Variants in PRKN observed in about 807,000 individuals in gnomAD.
PRKN encodes the protein E3 ubiquitin-protein ligase parkin.
PRKN carries 56 observed loss-of-function variants against 59.5 expected under a neutral mutation model. The ratio of observed to expected loss-of-function variants is 0.94; its 90% CI spans 0.76 to 1.18. The LOEUF (loss-of-function observed/expected upper bound fraction) is 1.18. Among genes scored for constraint, PRKN ranks in the 50% most tolerant of loss-of-function variants. The pLI, the probability that PRKN is intolerant of heterozygous loss-of-function variation, is 0.00. For missense variants in PRKN, 657 were observed against 596.4 expected, an observed-to-expected ratio of 1.10 and a Z score of -1.06; for synonymous variants, 250 against 222.1, an observed-to-expected ratio of 1.13 and a Z score of -1.12.
chr6:161,641,314 G>A (rs1361007467), intron 7 of PRKN, among the ~76,000 whole-genome samples: 1 of 152,172 alleles, frequency 6.6e-6, no homozygotes, highest in East Asian at 1.9e-4. Context: ...CATCATTATT[G>A]TAAAACCTAA....
chr6:162,133,057 G>C (rs1160026275), intron 4 of PRKN, among the ~76,000 whole-genome samples: 2 of 152,138 alleles, frequency 1.3e-5, no homozygotes, highest in African/African-American at 4.8e-5. Context: ...CATGGGCACA[G>C]TGGACTTAGG....
intron 9 of PRKN, among the ~76,000 whole-genome samples, chr6:161,521,046 G>A: frequency 6.6e-6 from 1 of 152,170 alleles, no homozygotes; most frequent in East Asian, 1.9e-4. Flanking sequence ...TGTGAAGAGG[G>A]ATTTCTTATT....
intron 1 of PRKN, among the ~76,000 whole-genome samples, chr6:162,533,033 A>G (rs1307877660): frequency 1.3e-5 from 2 of 152,186 alleles, no homozygotes; most frequent in Admixed American, 6.5e-5. Context: ...TATCGGCTGT[A>G]CTGACGTGCT....
chr6:161,893,409 A>G (rs1168265284), intron 6 of PRKN, among the ~76,000 whole-genome samples: 2 of 152,192 alleles, frequency 1.3e-5, no homozygotes, highest in African/African-American at 2.4e-5. Context: ...TGTTCTCATC[A>G]GGAAACAAAG....
intron 1 of PRKN, among the ~76,000 whole-genome samples, chr6:162,512,552 C>G (rs984391923): frequency 7.9e-5 from 12 of 152,136 alleles, no homozygotes; most frequent in African/African-American, 2.9e-4. Context: ...ATGTTCTTTG[C>G]AGTTATTGTT....
intron 6 of PRKN, among the ~76,000 whole-genome samples, chr6:161,952,597 T>A (rs1179116591): frequency 1.3e-5 from 2 of 152,122 alleles, no homozygotes; most frequent in Non-Finnish European, 2.9e-5. Context: ...CAAGACTGGG[T>A]GACAGTGAGA....
At chr6:162,613,052 G>T (rs1281179663) in intron 1 of PRKN, among the ~76,000 whole-genome samples, 1 of 152,150 alleles carries the variant, frequency 6.6e-6, no homozygotes, top group Non-Finnish European at 1.5e-5. Flanking sequence ...CTGACATGTT[G>T]CCTATGAGGG....
intron 7 of PRKN, among the ~76,000 whole-genome samples, chr6:161,657,624 T>C (rs890876325): frequency 2.6e-5 from 4 of 152,084 alleles, no homozygotes; most frequent in African/African-American, 7.2e-5. Flanking sequence ...AGTCCACCAG[T>C]TTAAGGGCTG....
intron 7 of PRKN, among the ~76,000 whole-genome samples, chr6:161,730,202 C>CAGA (rs202184589): frequency 1.2e-4 from 17 of 145,240 alleles, no homozygotes; most frequent in African/African-American, 4.0e-4. Flanking sequence ...TGCATTCTTT[C>CAGA]TGTGTTGCAT....
chr6:162,682,533 A>G (rs1056493619), intron 1 of PRKN, among the ~76,000 whole-genome samples: 6 of 152,212 alleles, frequency 3.9e-5, no homozygotes, highest in African/African-American at 1.4e-4. Context: ...GTTTTCACTT[A>G]TAAGAGGAAG....
chr6:162,594,196 C>G (rs62430905), intron 1 of PRKN, among the ~76,000 whole-genome samples: 2,355 of 152,134 alleles, frequency 0.015, 42 homozygotes, highest in Admixed American at 0.055. Flanking sequence ...AGTCTTAAAC[C>G]TTTTTGCTCA....
At chr6:162,516,062 T>C (rs924147119) in intron 1 of PRKN, among the ~76,000 whole-genome samples, 3 of 152,244 alleles carry the variant, frequency 2.0e-5, no homozygotes, top group Admixed American at 2.0e-4. Flanking sequence ...CAGCGATTGC[T>C]GTGCCTGAGG....
At chr6:162,268,206 C>G (rs1209882028) in intron 2 of PRKN, among the ~76,000 whole-genome samples, 1 of 152,112 alleles carries the variant, frequency 6.6e-6, no homozygotes, top group East Asian at 1.9e-4. Context: ...TCAATGTGTC[C>G]TCAAAATTTA....
At chr6:162,465,764 A>G (rs901019630) in intron 1 of PRKN, among the ~76,000 whole-genome samples, 4 of 152,218 alleles carry the variant, frequency 2.6e-5, no homozygotes, top group African/African-American at 9.6e-5. Context: ...TTATATGATA[A>G]TTATATAATC....
At chr6:162,048,644 C>T (rs1038472281) in intron 5 of PRKN, among the ~76,000 whole-genome samples, 2 of 151,744 alleles carry the variant, frequency 1.3e-5, no homozygotes, top group East Asian at 1.9e-4. Flanking sequence ...CTTTTGGCTT[C>T]CCTGGGCCAC....
intron 5 of PRKN, among the ~76,000 whole-genome samples, chr6:161,976,307 C>T (rs1411808470): frequency 6.6e-6 from 1 of 152,214 alleles, no homozygotes; most frequent in Non-Finnish European, 1.5e-5. Flanking sequence ...ATTTAGTTAA[C>T]TAAACCTATC....
intron 2 of PRKN, among the ~76,000 whole-genome samples, chr6:162,391,653 G>T (rs1391780620): frequency 6.6e-6 from 1 of 151,956 alleles, no homozygotes; most frequent in African/African-American, 2.4e-5. Flanking sequence ...GCTTGACGTG[G>T]ATTTCGAACA....
At chr6:161,999,399 C>T (rs1781964380) in intron 5 of PRKN, among the ~76,000 whole-genome samples, 1 of 152,066 alleles carries the variant, frequency 6.6e-6, no homozygotes, top group South Asian at 2.1e-4. Context: ...GAGTGACTGT[C>T]CCTACCTCGG....
rs1790611796 is a variant in PRKN, at chr6:161,468,747, G to A, written c.1083+80107C>T. 6.6e-6 allele frequency among the ~76,000 whole-genome samples: 1 copy of A among 152,144 alleles called. No individual in the cohort carries two copies. The highest frequency in any genetic ancestry group is 1.5e-5 in the Non-Finnish European group (1 of 68,028). On this transcript the variant is annotated intron_variant, in intron 9 of 11. Transcript: ENST00000366898. The surrounding 1 kb of genome is among the most constrained non-coding windows in gnomAD (Gnocchi z 5.9). ...ATCCAGCCTCAGAGGACTTGGGTAT[G>A]TTCTTCTCAAGGACAGGAAAGTCAT...
Sources: allele counts gnomAD v4.1 joint callset (sites outside exome capture counted in the v4.1 genomes callset), GRCh38; gene constraint gnomAD v4.1.1; non-coding constraint Gnocchi (gnomAD v3.1); transcripts MANE v1.5; gene names NCBI Gene and HGNC (gene_info 2026-07-23, HGNC 2026-07-21).